The following CCDC91 variants were observed in gnomAD, a reference collection of about 807,000 sequenced individuals.
CCDC91 encodes the protein coiled-coil domain-containing protein 91.
A neutral mutation model predicts 63.2 loss-of-function variants in CCDC91; 48 were observed. The ratio of observed to expected loss-of-function variants is 0.76; its 90% CI spans 0.60 to 0.97. CCDC91 has a LOEUF of 0.97. Ranked by LOEUF, CCDC91 falls within the 50% of genes least tolerant of loss-of-function variation. The pLI is 0.00. For synonymous variants in CCDC91, 167 were observed against 165.8 expected (o/e 1.01, Z -0.06); for missense variants, 500 against 494.6 (o/e 1.01, Z -0.10).
At chr12:28,404,220 T>C (rs1303953257) in intron 8 of CCDC91, among the ~76,000 whole-genome samples, 1 of 152,100 alleles carries the variant, frequency 6.6e-6, no homozygotes, top group Non-Finnish European at 1.5e-5. Context: ...TGTGTTTTAT[T>C]AAAAATATTT....
At chr12:28,376,679 AAGT>A (rs980244812) in intron 7 of CCDC91, among the ~76,000 whole-genome samples, 3 of 151,812 alleles carry the variant, frequency 2.0e-5, no homozygotes, top group African/African-American at 7.2e-5. Flanking sequence ...TTTAAAGAGA[AAGT>A]ATCTTTTTGC....
At chr12:28,339,869 C>T (rs1270522050) in intron 6 of CCDC91, among the ~76,000 whole-genome samples, 1 of 152,130 alleles carries the variant, frequency 6.6e-6, no homozygotes, top group Non-Finnish European at 1.5e-5. Context: ...TAATGAACCT[C>T]AGTGTCCTTG....
intron 8 of CCDC91, among the ~76,000 whole-genome samples, chr12:28,398,697 A>T (rs1202934626): frequency 6.6e-6 from 1 of 152,116 alleles, no homozygotes; most frequent in Non-Finnish European, 1.5e-5. Flanking sequence ...TTTTCACTTT[A>T]GCCAGCTTTG....
At chr12:28,259,312 T>C in intron 2 of CCDC91, 52 bp from the exon 3 acceptor site, 2 of 1,321,704 alleles carry the variant, frequency 1.5e-6, no homozygotes, top group Non-Finnish European at 2.2e-6. Flanking sequence ...ATCACTTAAA[T>C]AGCATTTCTG....
intron 8 of CCDC91, among the ~76,000 whole-genome samples, chr12:28,427,111 T>C (rs539898443): frequency 1.3e-5 from 2 of 152,298 alleles, no homozygotes; most frequent in East Asian, 3.9e-4. Flanking sequence ...CACAGCCCTC[T>C]TGTTTTGATG....
chr12:28,362,860 T>C lies in CCDC91; in HGVS notation c.654+345T>C, dbSNP rs866695028. On this transcript the variant is annotated intron_variant, in intron 7 of 12. Coordinates refer to ENST00000536442, the MANE Select transcript of CCDC91 (RefSeq NM_018318.5). ...GAAAAAAATTAAGGCATGAAATATA[T>C]CAGAAAAAAATATTATACCTTTTTG... Among the ~76,000 whole-genome samples the C allele has an allele frequency of 5.1e-4, 78 of 152,132 alleles. 1 individual carries two copies. The highest frequency in any genetic ancestry group is 1.8e-3 in the African/African-American group (75 of 41,454).
intron 6 of CCDC91, among the ~76,000 whole-genome samples, chr12:28,312,989 C>T (rs1239687895): frequency 1.3e-5 from 2 of 151,950 alleles, no homozygotes; most frequent in African/African-American, 2.4e-5. Flanking sequence ...TGAAAACGGA[C>T]TAATACAAAC....
chr12:28,490,460 A>G (rs147524193), intron 12 of CCDC91, among the ~76,000 whole-genome samples: 3 of 152,048 alleles, frequency 2.0e-5, no homozygotes, highest in Non-Finnish European at 2.9e-5. Flanking sequence ...TTTACCTTCC[A>G]AATTTGTATA....
chr12:28,395,653 A>C (rs764371386), intron 8 of CCDC91, among the ~76,000 whole-genome samples: 3 of 152,160 alleles, frequency 2.0e-5, no homozygotes, highest in Non-Finnish European at 4.4e-5. Context: ...AAAATCTTGG[A>C]ATTTTCAGGG....
chr12:28,265,519 G>T (rs953970774), intron 3 of CCDC91, among the ~76,000 whole-genome samples: 3 of 152,174 alleles, frequency 2.0e-5, no homozygotes, highest in Middle Eastern at 3.4e-3. Context: ...CTGGAAGACA[G>T]ATGCCTTTTG....
At chr12:28,376,011 A>G (rs1352585432) in intron 7 of CCDC91, among the ~76,000 whole-genome samples, 3 of 151,854 alleles carry the variant, frequency 2.0e-5, no homozygotes, top group African/African-American at 7.2e-5. Context: ...TGCATAGTAA[A>G]TTATTTGTGT....
chr12:28,511,840 G>A, intron 12 of CCDC91, among the ~76,000 whole-genome samples: 1 of 151,778 alleles, frequency 6.6e-6, no homozygotes, highest in East Asian at 1.9e-4. Context: ...CCATAACCGG[G>A]AGCTTTGCTT....
chr12:28,548,665 G>T (rs1167774408), intron 12 of CCDC91, among the ~76,000 whole-genome samples: 1 of 151,980 alleles, frequency 6.6e-6, no homozygotes, highest in Non-Finnish European at 1.5e-5. Flanking sequence ...ACTAAACCCT[G>T]TGTATGATGT....
At chr12:28,345,055 T>C (rs1216021191) in intron 6 of CCDC91, among the ~76,000 whole-genome samples, 2 of 152,172 alleles carry the variant, frequency 1.3e-5, no homozygotes, top group Non-Finnish European at 2.9e-5. Flanking sequence ...ATATATTTTT[T>C]GAAATGGCAA....
chr12:28,520,232 G>C lies in CCDC91; in HGVS notation c.1216-28831G>C, dbSNP rs577251402. On this transcript the variant is annotated intron_variant, in intron 12 of 12. Coordinates refer to ENST00000536442, the MANE Select transcript of CCDC91 (RefSeq NM_018318.5). ...TTTCTCCACATCCTCTCCAGCACCT[G>C]TTGTTTCCTGACTTTTTAATGATTG... 1.3e-3 allele frequency among the ~76,000 whole-genome samples: 195 copies of C among 152,238 alleles called. 1 individual carries two copies. The highest frequency in any genetic ancestry group is 4.6e-3 in the African/African-American group (191 of 41,530).
intron 11 of CCDC91, among the ~76,000 whole-genome samples, chr12:28,466,547 A>G (rs1209975984): frequency 6.6e-6 from 1 of 152,154 alleles, no homozygotes; most frequent in Admixed American, 6.5e-5. Context: ...ACAGGCCAGG[A>G]GAGTGTTGCA....
At chr12:28,279,063 A>T (rs1948427243) in intron 3 of CCDC91, among the ~76,000 whole-genome samples, 1 of 151,964 alleles carries the variant, frequency 6.6e-6, no homozygotes. Flanking sequence ...GTGCTGTTTA[A>T]ATACTCATTT....
At chr12:28,397,614 A>G (rs951702978) in intron 8 of CCDC91, among the ~76,000 whole-genome samples, 10 of 152,308 alleles carry the variant, frequency 6.6e-5, no homozygotes, top group African/African-American at 2.4e-4. Flanking sequence ...TGGGGTATAC[A>G]TGTGTATAGA....
At chr12:28,334,048 G>A (rs961809383) in intron 6 of CCDC91, among the ~76,000 whole-genome samples, 1 of 151,902 alleles carries the variant, frequency 6.6e-6, no homozygotes, top group Non-Finnish European at 1.5e-5. Context: ...TTATGTGTGT[G>A]TGTGTGTGTG....
Sources: allele counts gnomAD v4.1 joint callset (sites outside exome capture counted in the v4.1 genomes callset), GRCh38; gene constraint gnomAD v4.1.1; transcripts MANE v1.5; gene names NCBI Gene and HGNC (gene_info 2026-07-23, HGNC 2026-07-21).